CTTNBP2: variants seen among roughly 807,000 people sequenced by gnomAD.
CTTNBP2 encodes cortactin binding protein 2.
CTTNBP2 carries 108 observed loss-of-function variants against 156.9 expected under a neutral mutation model. The observed-to-expected ratio is 0.69, with a 90% confidence interval of 0.59 to 0.81. The LOEUF is 0.81. CTTNBP2 is among the 30% of genes least tolerant of loss of function. The probability of loss-of-function intolerance (pLI) is 0.00; values close to 1 mark genes in which losing one functional copy is unlikely to be tolerated. For synonymous variants in CTTNBP2, 767 were observed against 751.8 expected, an observed-to-expected ratio of 1.02 and a Z score of -0.33; for missense variants, 1,924 against 2,035.4, an observed-to-expected ratio of 0.95 and a Z score of 1.05.
At chr7:117,720,967 A>G in intron 20 of CTTNBP2, 100 bp downstream of exon 20, 3 of 815,678 alleles carry the variant, frequency 3.7e-6, no homozygotes. Flanking sequence ...ATATTAACAT[A>G]ATAGTCATTC....
At chr7:117,832,256 C>T (rs1264967993) in intron 2 of CTTNBP2, among the ~76,000 whole-genome samples, 1 of 152,140 alleles carries the variant, frequency 6.6e-6, no homozygotes, top group African/African-American at 2.4e-5. Flanking sequence ...AACCCCTCCT[C>T]TCCATCCCAG....
chr7:117,861,191 C>G lies in CTTNBP2; in HGVS notation c.189+18G>C, dbSNP rs1803715849. On this transcript the variant is annotated intron_variant, in intron 2 of 22. Transcript: ENST00000160373. ...GCAAATGATCCAGCATGGAGACCCA[C>G]TCCTGTGTCGTCCTTACCCGCAGGG... 1 of 1,524,230 alleles carries G rather than the reference C, an allele frequency of 6.6e-7. No individual in the cohort carries two copies. Among genetic ancestry groups the G allele is most frequent in the African/African-American group, 1.4e-5 (1 of 73,080 alleles). 94.4% of individuals were successfully genotyped at this position (1,524,230 alleles called of 1,614,324 possible). A position where few individuals can be genotyped will look rare whatever the true frequency, so the allele number is the denominator to read the frequency against.
Position 117,792,143 on chromosome 7 carries a change from C to G in CTTNBP2, c.1053G>C (p.Met351Ile). The change falls in exon 4 of 23, where the codon ATG becomes ATC. Residue 351 changes from methionine (M) to isoleucine (I), a missense_variant. Met to Ile is a conservative substitution (Grantham distance 10). Transcript: ENST00000160373. This position sits in a 1 kb window ranked among gnomAD's most constrained non-coding sequence, Gnocchi z 4.2. ...AKGSVCTSAT[M>I]ARPGIDRQAS... Reference sequence around the variant, plus strand: ...CCTGCCTGTCAATACCTGGTCTGGCCATGGTGGCACTGGTGCACACGCTCC... The same window carrying G: ...CCTGCCTGTCAATACCTGGTCTGGCGATGGTGGCACTGGTGCACACGCTCC... 6.2e-7 allele frequency: 1 copy of G among 1,614,110 alleles called. No individual in the cohort carries two copies. The highest frequency in any genetic ancestry group is 8.5e-7 in the Non-Finnish European group (1 of 1,180,022).
At chr7:117,727,217 G>A (rs1410893038) in intron 17 of CTTNBP2, among the ~76,000 whole-genome samples, 1 of 151,968 alleles carries the variant, frequency 6.6e-6, no homozygotes, top group African/African-American at 2.4e-5. Context: ...TTAGAGACAG[G>A]GTCTTGCTCT....
chr7:117,802,836 C>T (rs1016767351), intron 3 of CTTNBP2, among the ~76,000 whole-genome samples: 3 of 152,064 alleles, frequency 2.0e-5, no homozygotes, highest in Admixed American at 2.0e-4. Flanking sequence ...AATGAGATAC[C>T]ACTTCACACC....
chr7:117,712,341 A>G (rs1036525213), intron 22 of CTTNBP2: 1 of 152,330 alleles, frequency 6.6e-6, no homozygotes, highest in Admixed American at 6.5e-5. Flanking sequence ...AATGTTTCAG[A>G]AATCCTGTGA....
intron 14 of CTTNBP2, among the ~76,000 whole-genome samples, chr7:117,743,604 A>G (rs1221725147): frequency 6.6e-6 from 1 of 151,896 alleles, no homozygotes; most frequent in African/African-American, 2.4e-5. Context: ...TCTACTAAAA[A>G]TACAAAAATT....
chr7:117,791,103 G>A lies in CTTNBP2; in HGVS notation c.2068+25C>T, dbSNP rs550218203. On this transcript the variant is annotated intron_variant, in intron 4 of 22. Coordinates refer to ENST00000160373, the MANE Select transcript of CTTNBP2 (RefSeq NM_033427.3). ...GAAGAGAGGCCATATTCTTTAAAAA[G>A]CGTATAACATTTCAATCCCTTTACC... is the stretch of plus-strand genomic sequence containing the variant. 3.2e-6 allele frequency: 5 copies of A among 1,577,056 alleles called. No homozygotes were observed. The South Asian group carries it at 5.7e-5, about 18-fold the overall frequency.
chr7:117,846,352 A>G (rs994197855), intron 2 of CTTNBP2, among the ~76,000 whole-genome samples: 2 of 152,218 alleles, frequency 1.3e-5, no homozygotes, highest in African/African-American at 4.8e-5. Flanking sequence ...AAACTGTTGT[A>G]TAACTCGTTT....
Position 117,780,445 on chromosome 7 carries a change from GT to G in CTTNBP2, c.2518del (p.Thr840ProfsTer90). On this transcript the variant is annotated frameshift_variant, in exon 7 of 23. Coordinates refer to ENST00000160373, the MANE Select transcript of CTTNBP2 (RefSeq NM_033427.3). LOFTEE classifies it high-confidence loss of function. ...AAAAAACAGACTGCTACTCACTGTG[GT>G]TTTTACACTTCGATTGGTTCCAGCT... Reference protein sequence around the residue: ...LEAGTNRSVKTTDGWTPVHAA... With the variant: ...LEAGTNRSVKXTDGWTPVHAA... The G allele has an allele frequency of 6.4e-7, 1 of 1,562,480 alleles. No individual in the cohort carries two copies. Among genetic ancestry groups the G allele is most frequent in the South Asian group, 1.2e-5 (1 of 81,278 alleles).
rs1797524124 is a variant in CTTNBP2, at chr7:117,767,086, C to T, written c.2869G>A (p.Asp957Asn). The stretch of plus-strand genomic sequence containing the variant: ...AGATTCTCCAGCAAATGCTTGCAGT[C>T]ATCAGTGGCAACATCATGCACAGTC... ...NRTVHDVATD[D>N]CKHLLENLNA... The change falls in exon 9 of 23, where the codon GAC becomes AAC. Residue 957 changes from aspartate (D) to asparagine (N), a missense_variant. Coordinates refer to ENST00000160373, the MANE Select transcript of CTTNBP2 (RefSeq NM_033427.3). 8 of 1,604,012 alleles carry T rather than the reference C, an allele frequency of 5.0e-6. No homozygotes were observed. The highest frequency in any genetic ancestry group is 6.8e-6 in the Non-Finnish European group (8 of 1,170,718).
intron 10 of CTTNBP2, 53 bp from the exon 11 acceptor site, chr7:117,758,023 C>G: frequency 7.6e-7 from 1 of 1,322,658 alleles, no homozygotes; most frequent in Non-Finnish European, 1.1e-6. Context: ...AGTGGTTTTT[C>G]TCACAAGGGT....
chr7:117,766,995 C>T (rs1429691788), intron 9 of CTTNBP2, 64 bp downstream of exon 9: 3 of 914,798 alleles, frequency 3.3e-6, no homozygotes, highest in Non-Finnish European at 5.4e-6. Context: ...TAGTTTTTCC[C>T]ATTGTACCAG....
At chr7:117,731,876 G>A (rs972151940) in intron 16 of CTTNBP2, among the ~76,000 whole-genome samples, 1 of 152,166 alleles carries the variant, frequency 6.6e-6, no homozygotes, top group South Asian at 2.1e-4. Context: ...AGAGGGGCAC[G>A]CAGACAAAGG....
At chr7:117,832,774 T>TCTCA (rs1216954447) in intron 2 of CTTNBP2, among the ~76,000 whole-genome samples, 1 of 130,744 alleles carries the variant, frequency 7.6e-6, no homozygotes, top group Admixed American at 9.1e-5. Flanking sequence ...TGAGATAGAG[T>TCTCA]CTCACTGTGT....
In CTTNBP2 at chr7:117,725,233, G is replaced by A. The variant is rs757314897; in HGVS notation, c.4080C>T (p.Gly1360=). The change falls in exon 18 of 23, where the codon GGC becomes GGT. Residue 1360 remains glycine (G), a synonymous_variant. Transcript: ENST00000160373. The stretch of plus-strand genomic sequence containing the variant: ...CTTCTTGAACTCTGGGTGCGATGAC[G>A]CCATTCCACAGCTTAGACATCCACC... ...TVKWMSKLWN[G]VIAPRVQEAI... 101 of 1,613,966 alleles carry A rather than the reference G, an allele frequency of 6.3e-5. No individual in the cohort carries two copies. The highest frequency in any genetic ancestry group is 8.1e-5 in the Non-Finnish European group (96 of 1,179,988).
chr7:117,733,954 G>A (rs1345089748), intron 16 of CTTNBP2, among the ~76,000 whole-genome samples: 1 of 152,232 alleles, frequency 6.6e-6, no homozygotes, highest in African/African-American at 2.4e-5. Context: ...TTATGTTTCT[G>A]GAAAAGTGCT....
At chr7:117,833,373 G>A (rs1406737331) in intron 2 of CTTNBP2, among the ~76,000 whole-genome samples, 1 of 152,136 alleles carries the variant, frequency 6.6e-6, no homozygotes, top group Non-Finnish European at 1.5e-5. Flanking sequence ...GAATAAAAAC[G>A]TCTTCCTTCA....
chr7:117,722,113 C>T (rs17550567), intron 19 of CTTNBP2, among the ~76,000 whole-genome samples: 31,454 of 152,112 alleles, frequency 0.21, 3,466 homozygotes, highest in Non-Finnish European at 0.22. Flanking sequence ...TACTACATAG[C>T]GCACAGCCTT....
Sources: gnomAD v4.1 joint callset for allele counts (sites outside exome capture counted in the v4.1 genomes callset) on GRCh38, gnomAD v4.1.1 for gene constraint, Gnocchi (gnomAD v3.1) non-coding constraint, MANE v1.5 for transcripts, NCBI Gene and HGNC (gene_info 2026-07-23, HGNC 2026-07-21) for gene names.